HIVEP1: variants seen among roughly 807,000 people sequenced by gnomAD.
HIVEP1 encodes the protein zinc finger protein 40.
HIVEP1 carries 36 observed loss-of-function variants against 180.0 expected under a neutral mutation model. That is an observed-to-expected ratio of 0.20 (90% CI 0.15 to 0.26). The LOEUF (loss-of-function observed/expected upper bound fraction) is 0.26. Among genes scored for constraint, HIVEP1 ranks in the 10% least tolerant of loss-of-function variants. The pLI is 1.00. For missense variants in HIVEP1, 3,143 were observed against 3,268.7 expected, an observed-to-expected ratio of 0.96 and a Z score of 0.94; for synonymous variants, 1,239 against 1,239.0, an observed-to-expected ratio of 1.00 and a Z score of 0.00.
intron 7 of HIVEP1, among the ~76,000 whole-genome samples, chr6:12,148,521 G>C (rs116694141): frequency 0.012 from 1,762 of 152,336 alleles, 31 homozygotes; most frequent in African/African-American, 0.04. Context: ...CAAACTTGCT[G>C]TCTTTTCCTT....
At chr6:12,015,925 T>C (rs1002932630) in intron 2 of HIVEP1, among the ~76,000 whole-genome samples, 13 of 152,234 alleles carry the variant, frequency 8.5e-5, no homozygotes, top group African/African-American at 3.1e-4. Flanking sequence ...TATTAAAGGC[T>C]GAAAGTTGCT....
chr6:12,049,479 C>G (rs1363627209), intron 2 of HIVEP1, among the ~76,000 whole-genome samples: 1 of 152,172 alleles, frequency 6.6e-6, no homozygotes, highest in Non-Finnish European at 1.5e-5. Flanking sequence ...AGGAGGTGAC[C>G]ATCATGCCAG....
chr6:12,062,430 T>G (rs1428607682), intron 2 of HIVEP1, among the ~76,000 whole-genome samples: 2 of 152,200 alleles, frequency 1.3e-5, no homozygotes, highest in Non-Finnish European at 2.9e-5. Flanking sequence ...GATACAGATA[T>G]TGATGTAATT....
chr6:12,145,758 T>G (rs1315453734), intron 7 of HIVEP1, among the ~76,000 whole-genome samples: 1 of 152,222 alleles, frequency 6.6e-6, no homozygotes, highest in Non-Finnish European at 1.5e-5. Context: ...TGTGTGCGTG[T>G]TTATTATCTA....
chr6:12,059,504 A>G (rs1160586881), intron 2 of HIVEP1, among the ~76,000 whole-genome samples: 1 of 152,198 alleles, frequency 6.6e-6, no homozygotes, highest in Non-Finnish European at 1.5e-5. Flanking sequence ...CCTAAACCTC[A>G]AGATAAAGGC....
downstream of HIVEP1, chr6:12,165,165 A>G (rs1387931660): frequency 3.9e-6 from 2 of 506,492 alleles, no homozygotes; most frequent in Non-Finnish European, 7.8e-6. Flanking sequence ...ACTGAAATCC[A>G]TACAACTGAT....
Position 12,163,655 on chromosome 6 carries a change from A to T in HIVEP1, c.7351A>T (p.Thr2451Ser), listed in dbSNP as rs759213491. The change falls in exon 9 of 9, where the codon ACT becomes TCT. Residue 2451 changes from threonine (T) to serine (S), a missense_variant. By Grantham distance (58) the Thr-to-Ser change is moderately conservative (BLOSUM62 1). This residue lies in a region of HIVEP1 where 595 missense variants were observed against 602.2 expected (regional missense o/e 0.99). Coordinates refer to ENST00000379388, the MANE Select transcript of HIVEP1 (RefSeq NM_002114.4). ...GAATACGGTCACAGAAGTGTCTGGC[A>T]CTACAAACCCTGCTGGAGTGGCTGA... ...HRNTVTEVSG[T>S]TNPAGVAELS... The T allele has an allele frequency of 1.2e-6, 2 of 1,614,140 alleles. No homozygotes were observed. The highest frequency in any genetic ancestry group is 2.2e-5 in the South Asian group (2 of 91,084).
At chr6:12,169,036 C>T (rs1188375712), downstream of HIVEP1, among the ~76,000 whole-genome samples, 3 of 152,074 alleles carry the variant, frequency 2.0e-5, no homozygotes, top group Non-Finnish European at 4.4e-5. Context: ...TGCAGGCACA[C>T]ACCACCACAC....
At position 12,092,611 on chromosome 6, in the gene HIVEP1, T is replaced by G. The variant is rs570384239; in HGVS notation, c.94+3374T>G. On this transcript the variant is annotated intron_variant, in intron 3 of 8. Transcript: ENST00000379388. ...CTATATTGTTTTCCAGAGTTTTTTT[T>G]GGGGAAACTTTTTGCATTCCCACTA... Among the ~76,000 whole-genome samples the G allele has an allele frequency of 2.6e-4, 40 of 152,310 alleles. 1 individual carries two copies. The highest frequency in any genetic ancestry group is 1.4e-3 in the East Asian group (7 of 5,182).
chr6:12,118,271 A>G (rs1775346939), intron 3 of HIVEP1, among the ~76,000 whole-genome samples: 1 of 152,078 alleles, frequency 6.6e-6, no homozygotes, highest in Non-Finnish European at 1.5e-5. Context: ...TGTAAATTTT[A>G]TTCTCAATAA....
rs1772837169 is a variant in HIVEP1 at position 12,082,264 on chromosome 6, GCT to G, written c.41-6917_41-6916del. ...CCTTCTAGAAACCTACAGTATCATG[GCT>G]CTGTAATATTCTGTCATATGCAGGT... On this transcript the variant is annotated intron_variant, in intron 2 of 8. Transcript: ENST00000379388. Among the ~76,000 whole-genome samples the G allele has an allele frequency of 2.6e-5, 4 of 151,976 alleles. No homozygotes were observed. The South Asian group carries it at 8.3e-4, about 32-fold the overall frequency.
intron 7 of HIVEP1, among the ~76,000 whole-genome samples, chr6:12,155,767 T>C (rs561638498): frequency 3.9e-5 from 6 of 152,338 alleles, no homozygotes; most frequent in African/African-American, 7.2e-5. Flanking sequence ...ATATACCCAG[T>C]AATGTGATTG....
At chr6:12,088,073 GAA>G (rs930261977) in intron 2 of HIVEP1, among the ~76,000 whole-genome samples, 1 of 152,152 alleles carries the variant, frequency 6.6e-6, no homozygotes, top group African/African-American at 2.4e-5. Flanking sequence ...AAGGTTCTCT[GAA>G]TTTCTTGGCC....
At chr6:12,207,333 T>C in the HIVEP1 span, among the ~76,000 whole-genome samples, 1 of 152,234 alleles carries the variant, frequency 6.6e-6, no homozygotes, top group African/African-American at 2.4e-5. Flanking sequence ...ACCATCTTTA[T>C]TCATTTTTTA....
Position 12,017,750 on chromosome 6 carries a change from T to G in HIVEP1, c.40+2082T>G, listed in dbSNP as rs984482742. Among the ~76,000 whole-genome samples, 9 of 152,316 alleles carry G rather than the reference T, an allele frequency of 5.9e-5. No individual in the cohort carries two copies. In the East Asian group the frequency reaches 1.7e-3, roughly 29 times the overall value. The stretch of plus-strand genomic sequence containing the variant: ...GATTAGCTAGATACAGAGTGCTGAT[T>G]GGTGTATTTAAAAACCTTGAGCTAG... On this transcript the variant is annotated intron_variant, in intron 2 of 8. Transcript: ENST00000379388.
chr6:12,200,157 G>A, the HIVEP1 span, among the ~76,000 whole-genome samples: 1 of 152,106 alleles, frequency 6.6e-6, no homozygotes, highest in African/African-American at 2.4e-5. Context: ...CAGGGCCAGG[G>A]GCAGAAGCAG....
chr6:12,135,919 A>G (rs751436960), intron 7 of HIVEP1, 27 bp downstream of exon 7: 1 of 1,432,786 alleles, frequency 7.0e-7, no homozygotes. Context: ...TATTTTTCAT[A>G]AATGCTATTT....
intron 2 of HIVEP1, among the ~76,000 whole-genome samples, chr6:12,051,014 A>ATATATATATATATATATG (rs1770491638): frequency 7.5e-6 from 1 of 132,760 alleles, no homozygotes; most frequent in Non-Finnish European, 1.6e-5. Flanking sequence ...ATATATATAT[A>ATATATATATATATATATG]TATATATATA....
At chr6:12,185,294 C>G in the HIVEP1 span, among the ~76,000 whole-genome samples, 1 of 152,202 alleles carries the variant, frequency 6.6e-6, no homozygotes, top group Non-Finnish European at 1.5e-5. Context: ...CAGTAGAGTT[C>G]AGGGCCACTG....
Sources: gnomAD v4.1 joint callset for allele counts (sites outside exome capture counted in the v4.1 genomes callset) on GRCh38, gnomAD v4.1.1 for gene constraint, gnomAD v4.1.1 regional missense constraint, MANE v1.5 for transcripts, NCBI Gene and HGNC (gene_info 2026-07-23, HGNC 2026-07-21) for gene names.